The following C3 variants were observed in gnomAD, a reference collection of about 807,000 sequenced individuals.
C3 encodes complement C3, also known as C3 and PZP-like alpha-2-macroglobulin domain-containing protein 1.
Under a neutral mutation model 207.9 loss-of-function variants are expected in C3, and 97 were observed. The observed-to-expected ratio is 0.47, with a 90% CI of 0.40 to 0.55. C3 has a LOEUF of 0.55. Ranked by LOEUF, C3 falls within the 20% of genes least tolerant of loss-of-function variation. C3 has a pLI of 0.00. For synonymous variants in C3, 848 were observed against 857.6 expected, an observed-to-expected ratio of 0.99 and a Z score of 0.20; for missense variants, 1,684 against 2,171.7, an observed-to-expected ratio of 0.78 and a Z score of 4.46.
intron 4 of C3, 197 bp downstream of exon 4, chr19:6,717,897 T>C: frequency 1.5e-6 from 1 of 663,946 alleles, no homozygotes; most frequent in South Asian, 1.6e-5. Flanking sequence ...TGCCTCTGTG[T>C]GTGTATTGTG....
At position 6,680,282 on chromosome 19, in the gene C3, C is replaced by T. The variant is rs751896023; in HGVS notation, c.4351-19G>A. 6 of 1,394,974 alleles carry T rather than the reference C, an allele frequency of 4.3e-6. No individual in the cohort carries two copies. In the South Asian group the frequency reaches 6.9e-5, roughly 16 times the overall value. 86.4% of individuals were successfully genotyped at this position (1,394,974 alleles called of 1,614,324 possible). A position where few individuals can be genotyped will look rare whatever the true frequency, so the allele number is the denominator to read the frequency against. ...GTGAGACCTGAGGGGGAAGGAGGAG[C>T]TTGGTCAGTGGGGTGATGTGGGAGG... On this transcript the variant is annotated intron_variant, in intron 35 of 40. Coordinates refer to ENST00000245907, the MANE Select transcript of C3 (RefSeq NM_000064.4).
chr19:6,698,686 G>A (rs956958574), intron 19 of C3, among the ~76,000 whole-genome samples: 2 of 152,056 alleles, frequency 1.3e-5, no homozygotes, highest in Non-Finnish European at 2.9e-5. Flanking sequence ...TCCAGCCTGG[G>A]CAACAGAGTG....
At chr19:6,697,323 G>C (rs1269351954) in intron 21 of C3, 21 bp downstream of exon 21, 5 of 1,589,176 alleles carry the variant, frequency 3.1e-6, no homozygotes, top group Non-Finnish European at 4.3e-6. Flanking sequence ...ACAAGGGTTT[G>C]TGGGTGCCCC....
rs546326180 is a variant in C3 at position 6,705,898 on chromosome 19, T to C, written c.2245+1178A>G. On this transcript the variant is annotated intron_variant, in intron 17 of 40. Transcript: ENST00000245907. ...CATGTTGGCCAGACTAGTCTTGAACTCCTGACCTCAAGTGATCCATCCACC... is the reference window on the plus strand; with the variant it reads ...CATGTTGGCCAGACTAGTCTTGAACCCCTGACCTCAAGTGATCCATCCACC... Among the ~76,000 whole-genome samples the C allele has an allele frequency of 1.2e-3, 180 of 151,792 alleles. 2 individuals carry two copies. Among genetic ancestry groups the C allele is most frequent in the Middle Eastern group, 6.8e-3 (2 of 292 alleles).
At chr19:6,710,584 GA>G in intron 13 of C3, 54 bp downstream of exon 13, 2 of 1,358,176 alleles carry the variant, frequency 1.5e-6, no homozygotes, top group African/African-American at 1.4e-5. Flanking sequence ...GAGAGAGAGA[GA>G]GAGAGAGGAG....
At chr19:6,678,109 G>A in intron 40 of C3, 43 bp downstream of exon 40, 1 of 1,614,082 alleles carries the variant, frequency 6.2e-7, no homozygotes, top group Non-Finnish European at 8.5e-7. Flanking sequence ...GGCATGGGCG[G>A]GGCAGTCGGG....
chr19:6,691,845 C>A (rs1189734447), intron 26 of C3, among the ~76,000 whole-genome samples: 2 of 152,152 alleles, frequency 1.3e-5, no homozygotes, highest in South Asian at 4.2e-4. Context: ...ATCAGCTGGG[C>A]ATGGTGGAGC....
chr19:6,697,626 G>A, intron 20 of C3, 26 bp downstream of exon 20: 1 of 1,614,092 alleles, frequency 6.2e-7, no homozygotes, highest in Non-Finnish European at 8.5e-7. Flanking sequence ...CAGCCTCCAA[G>A]AAGCCTCTGC....
Position 6,712,162 on chromosome 19 carries a change from A to G in C3, c.1269+95T>C, listed in dbSNP as rs573676768. The G allele has an allele frequency of 2.0e-6, 3 of 1,483,418 alleles. No individual in the cohort carries two copies. In the South Asian group the frequency reaches 3.4e-5, roughly 17 times the overall value. The allele number at this position is 1,483,418 out of a possible 1,614,324, so 91.9% of individuals were successfully genotyped here. On this transcript the variant is annotated intron_variant, in intron 11 of 40. Coordinates refer to ENST00000245907, the MANE Select transcript of C3 (RefSeq NM_000064.4). The stretch of plus-strand genomic sequence containing the variant: ...AGAACCTCTCTATGCAGATGAGAAT[A>G]TCTGTATGCAAATGACAGGACCCCA...
In C3 at chr19:6,677,914, C is replaced by T; in HGVS notation, c.4960G>A (p.Glu1654Lys). 6.2e-7 allele frequency: 1 copy of T among 1,614,004 alleles called. No individual in the cohort carries two copies. The highest frequency in any genetic ancestry group is 8.5e-7 in the Non-Finnish European group (1 of 1,180,012). The change falls in exon 41 of 41, where the codon GAG becomes AAG. Residue 1654 changes from glutamate to lysine, a missense_variant. By Grantham distance (56) the Glu-to-Lys change is moderately conservative. This residue lies in a region of C3 where 346 missense variants were observed against 380.1 expected (regional missense o/e 0.91). Transcript: ENST00000245907. ...GGGCACCCAAAGACAACCATGCTCT[C>T]GGTGAAGGCGCCGAGGTCCTGGCAT... ...KQCQDLGAFTESMVVFGCPN is the reference protein window; with the variant it reads ...KQCQDLGAFTKSMVVFGCPN
At position 6,714,003 on chromosome 19, in the gene C3, G is replaced by T; in HGVS notation, c.762C>A (p.Thr254=). 6.2e-7 allele frequency: 1 copy of T among 1,605,632 alleles called. No individual in the cohort carries two copies. The highest frequency in any genetic ancestry group is 8.5e-7 in the Non-Finnish European group (1 of 1,176,764). Residue 254 remains threonine (T), a synonymous_variant, in exon 7 of 41, where the codon ACC becomes ACA. Coordinates refer to ENST00000245907, the MANE Select transcript of C3 (RefSeq NM_000064.4). ...CCCCAGTCCCTCACCTGGCGGTGAT[G>T]GTGACCTCCAGGCCCTTCTCGTTAT... The part of the protein sequence containing the change: ...YIYNEKGLEV[T]ITARFLYGKK...
chr19:6,714,381 G>A lies in C3; in HGVS notation c.570C>T (p.Pro190=), dbSNP rs1277817905. 1 of 1,613,866 alleles carries A rather than the reference G, an allele frequency of 6.2e-7. No individual in the cohort carries two copies. The highest frequency in any genetic ancestry group is 1.1e-5 in the South Asian group (1 of 91,082). ...LSSQNQLGVL[P]LSWDIPELVN... ...CGAGTTCCGGAATGTCCCAAGACAA[G>A]GGCAAGACGCCAAGCTGGTTCTGAG... The change falls in exon 5 of 41, where the codon CCC becomes CCT. Residue 190 remains proline, a synonymous_variant. Coordinates refer to ENST00000245907, the MANE Select transcript of C3 (RefSeq NM_000064.4).
Position 6,697,800 on chromosome 19 carries a change from C to G in C3, c.2441-6G>C, listed in dbSNP as rs752216964. 6.2e-7 allele frequency: 1 copy of G among 1,611,422 alleles called. No individual in the cohort carries two copies. The highest frequency in any genetic ancestry group is 1.7e-5 in the Admixed American group (1 of 59,728). On this transcript the variant is annotated splice_polypyrimidine_tract_variant and splice_region_variant and intron_variant, in intron 19 of 40. Transcript: ENST00000245907. ...GGGGTCTGCCACACAGATCCCTGCT[C>G]GGGCAGAGACAGAACACGGAGTGTC...
At chr19:6,687,864 T>G (rs181292199) in intron 27 of C3, among the ~76,000 whole-genome samples, 1,993 of 150,940 alleles carry the variant, frequency 0.013, 40 homozygotes, top group African/African-American at 0.046. Context: ...TTGTTGCTTT[T>G]TTTTTTTTTT....
In C3 at chr19:6,714,206, T is replaced by G; in HGVS notation, c.642A>C (p.Pro214=). ...WKIRAYYENS[P]QQVFSTEFEV... is the part of the protein sequence containing the mutation. ...CAAACTCAGTGGAGAAGACCTGCTGTGGTGAGTTTTCATAGTAGGCTCGGA... is the reference window on the plus strand; with the variant it reads ...CAAACTCAGTGGAGAAGACCTGCTGGGGTGAGTTTTCATAGTAGGCTCGGA... The change falls in exon 6 of 41, where the codon CCA becomes CCC. Residue 214 remains proline (P), a synonymous_variant. Transcript: ENST00000245907. The G allele has an allele frequency of 1.9e-6, 3 of 1,613,586 alleles. No homozygotes were observed. The highest frequency in any genetic ancestry group is 2.5e-6 in the Non-Finnish European group (3 of 1,179,924).
At chr19:6,693,887 G>C (rs1157059164) in intron 24 of C3, among the ~76,000 whole-genome samples, 1 of 151,332 alleles carries the variant, frequency 6.6e-6, no homozygotes, top group Middle Eastern at 3.2e-3. Flanking sequence ...GGGGATGGGC[G>C]TGGCCTTGAA....
intron 6 of C3, 37 bp downstream of exon 6, chr19:6,714,129 C>T (rs1568227030): frequency 6.2e-7 from 1 of 1,611,424 alleles, no homozygotes. Context: ...GCCAGGCGTT[C>T]TGGGCACTGA....
In C3 at chr19:6,712,412, A is replaced by T. The variant is rs780789744; in HGVS notation, c.1120-6T>A. 1.2e-6 allele frequency: 2 copies of T among 1,614,148 alleles called. No homozygotes were observed. Among genetic ancestry groups the T allele is most frequent in the Non-Finnish European group, 1.7e-6 (2 of 1,179,992 alleles). Reference sequence around the variant, plus strand: ...TCAGGGTTCGTCACGAACACCTGTGATGTGGGGTGCAGGTGGGGGAAGTTC... The same window carrying T: ...TCAGGGTTCGTCACGAACACCTGTGTTGTGGGGTGCAGGTGGGGGAAGTTC... On this transcript the variant is annotated splice_polypyrimidine_tract_variant and splice_region_variant and intron_variant, in intron 10 of 40. Coordinates refer to ENST00000245907, the MANE Select transcript of C3 (RefSeq NM_000064.4).
intron 16 of C3, 26 bp from the exon 17 acceptor site, chr19:6,707,299 C>A: frequency 1.2e-6 from 2 of 1,603,876 alleles, no homozygotes; most frequent in South Asian, 2.2e-5. Context: ...TTCCCCCAGG[C>A]CACACCCTCA....
Sources: gnomAD v4.1 joint callset for allele counts (sites outside exome capture counted in the v4.1 genomes callset) on GRCh38, gnomAD v4.1.1 for gene constraint, gnomAD v4.1.1 regional missense constraint, MANE v1.5 for transcripts, NCBI Gene and HGNC (gene_info 2026-07-23, HGNC 2026-07-21) for gene names.